KLHL7: variants seen among roughly 807,000 people sequenced by gnomAD.
KLHL7 encodes the protein kelch like family member 7.
Under a neutral mutation model 67.4 loss-of-function variants are expected in KLHL7, and 44 were observed. That is an observed-to-expected ratio of 0.65 (90% CI 0.51 to 0.84). The LOEUF is 0.84. Among genes scored for constraint, KLHL7 ranks in the 40% least tolerant of loss-of-function variants. KLHL7 has a pLI of 0.00. For synonymous variants in KLHL7, 252 were observed against 243.3 expected (o/e 1.04, Z -0.33); for missense variants, 362 against 718.1 (o/e 0.50, Z 5.67).
chr7:23,139,424 C>T (rs1208249443), intron 4 of KLHL7, among the ~76,000 whole-genome samples: 4 of 152,060 alleles, frequency 2.6e-5, no homozygotes, highest in African/African-American at 4.8e-5. Flanking sequence ...ATTTCAGTAG[C>T]CATTTCTGAT....
intron 4 of KLHL7, among the ~76,000 whole-genome samples, chr7:23,135,165 G>A: frequency 6.6e-6 from 1 of 152,070 alleles, no homozygotes; most frequent in Non-Finnish European, 1.5e-5. Flanking sequence ...TTTTTCAGTT[G>A]CCTTTTTAAT....
chr7:23,152,724 C>A (rs776638168), intron 7 of KLHL7, among the ~76,000 whole-genome samples: 1 of 152,018 alleles, frequency 6.6e-6, no homozygotes, highest in Non-Finnish European at 1.5e-5. Context: ...TGCCGACCAA[C>A]TGGGTCAGGA....
In KLHL7 at chr7:23,105,835, T is replaced by A. The variant is rs1562542916; in HGVS notation, c.-192T>A. 1.2e-6 allele frequency: 1 copy of A among 814,864 alleles called. No individual in the cohort carries two copies. The highest frequency in any genetic ancestry group is 2.0e-6 in the Non-Finnish European group (1 of 510,386). The allele number at this position is 814,864 out of a possible 1,614,324, so 50.5% of individuals were successfully genotyped here. A position where few individuals can be genotyped will look rare whatever the true frequency, so the allele number is the denominator to read the frequency against. The stretch of plus-strand genomic sequence containing the variant: ...GTTGGTAGCGTCGCTCCCTGAGCGT[T>A]TCTAAGGGGGCCGCCCGGCCTTGTC... On this transcript the variant is annotated 5_prime_UTR_variant, in exon 1 of 11. Coordinates refer to ENST00000339077, the MANE Select transcript of KLHL7 (RefSeq NM_001031710.3).
At chr7:23,106,637 G>C in intron 1 of KLHL7, 1 of 1,033,006 alleles carries the variant, frequency 9.7e-7, no homozygotes, top group Non-Finnish European at 1.2e-6. Context: ...AGTTGAAGAG[G>C]AGTCCTCCTG....
At chr7:23,134,923 A>G (rs995596002) in intron 4 of KLHL7, among the ~76,000 whole-genome samples, 3 of 151,288 alleles carry the variant, frequency 2.0e-5, no homozygotes, top group Admixed American at 1.3e-4. Flanking sequence ...GATCTTTTGT[A>G]TTTTTTTCAT....
intron 7 of KLHL7, among the ~76,000 whole-genome samples, chr7:23,154,236 T>A (rs981778658): frequency 1.3e-5 from 2 of 152,108 alleles, no homozygotes; most frequent in African/African-American, 4.8e-5. Flanking sequence ...ATGTCTGAAA[T>A]GTCAGCTACT....
At chr7:23,152,264 T>TA in intron 7 of KLHL7, 55 bp downstream of exon 7, 1 of 1,523,650 alleles carries the variant, frequency 6.6e-7, no homozygotes, top group South Asian at 1.1e-5. Context: ...ACTGAACACA[T>TA]AAGACACTCA....
At chr7:23,129,896 G>A (rs532784605) in intron 4 of KLHL7, 1 of 153,636 alleles carries the variant, frequency 6.5e-6, no homozygotes, top group East Asian at 1.9e-4. Flanking sequence ...CTTGGATTTA[G>A]AGGCTCCTTT....
At chr7:23,152,800 G>A (rs899530231) in intron 7 of KLHL7, among the ~76,000 whole-genome samples, 2 of 152,008 alleles carry the variant, frequency 1.3e-5, no homozygotes, top group East Asian at 1.9e-4. Flanking sequence ...ACCTTAAGAC[G>A]GTCCACTCAC....
chr7:23,158,612 G>A (rs1216594701), intron 7 of KLHL7, among the ~76,000 whole-genome samples: 2 of 152,196 alleles, frequency 1.3e-5, no homozygotes, highest in Non-Finnish European at 2.9e-5. Flanking sequence ...GTAAAAGTAT[G>A]TTTAAATAAG....
At chr7:23,144,805 T>A (rs57864591) in intron 6 of KLHL7, among the ~76,000 whole-genome samples, 68,643 of 151,960 alleles carry the variant, frequency 0.45, 17,881 homozygotes, top group African/African-American at 0.73. Flanking sequence ...TTATCATAAA[T>A]TATTGAAGGA....
rs934839121 is a variant in KLHL7, at chr7:23,177,054, C to T, written c.*2756C>T. ...TTATTTTAATTACACCTGTAAAGAC[C>T]CCATTTCCAAACGAGGACACATTCT... On this transcript the variant is annotated 3_prime_UTR_variant, in exon 11 of 11. Transcript: ENST00000339077. 3.9e-5 allele frequency: 6 copies of T among 152,116 alleles called. No individual in the cohort carries two copies. The highest frequency in any genetic ancestry group is 1.4e-4 in the African/African-American group (6 of 41,398). 9.4% of individuals were successfully genotyped at this position (152,116 alleles called of 1,614,324 possible). A position where few individuals can be genotyped will look rare whatever the true frequency, so the allele number is the denominator to read the frequency against.
intron 1 of KLHL7, among the ~76,000 whole-genome samples, chr7:23,111,615 G>GT (rs1193878265): frequency 1.8e-4 from 28 of 152,108 alleles, no homozygotes; most frequent in Non-Finnish European, 2.9e-5. Flanking sequence ...GAGGTCAGGA[G>GT]TTTGAGACCA....
chr7:23,108,995 A>T (rs1415072000), intron 1 of KLHL7, among the ~76,000 whole-genome samples: 1 of 152,228 alleles, frequency 6.6e-6, no homozygotes, highest in East Asian at 1.9e-4. Flanking sequence ...ACATTTTTGT[A>T]CACTTTGTAC....
At chr7:23,170,921 T>G (rs904236441) in intron 9 of KLHL7, among the ~76,000 whole-genome samples, 11 of 151,180 alleles carry the variant, frequency 7.3e-5, no homozygotes, top group African/African-American at 2.4e-4. Flanking sequence ...TTTTTTTTTT[T>G]TTTGTGAGAC....
rs1224044285 is a variant in KLHL7 at position 23,175,313 on chromosome 7, T to C, written c.*1015T>C. On this transcript the variant is annotated 3_prime_UTR_variant, in exon 11 of 11. Transcript: ENST00000339077. ...ATCTTTTACAAACCCAACTACTCAT[T>C]TCCTTCCTAGTAATACTTTGCCTTT... The C allele has an allele frequency of 4.4e-6, 2 of 453,958 alleles. No individual in the cohort carries two copies. Among genetic ancestry groups the C allele is most frequent in the Admixed American group, 4.7e-5 (2 of 42,550 alleles). The allele number at this position is 453,958 out of a possible 1,614,324, so 28.1% of individuals were successfully genotyped here.
Position 23,106,123 on chromosome 7 carries a change from G to T in KLHL7, c.97G>T (p.Val33Phe), listed in dbSNP as rs769326241. The T allele has an allele frequency of 6.2e-7, 1 of 1,610,570 alleles. No homozygotes were observed. The change falls in exon 1 of 11, where the codon GTC becomes TTC. Residue 33 changes from valine to phenylalanine, a missense_variant. Val to Phe is a conservative substitution (Grantham distance 50). Coordinates refer to ENST00000339077, the MANE Select transcript of KLHL7 (RefSeq NM_001031710.3). ...EAKLLAGFMG[V>F]MNNMRKQKTL... is the part of the protein sequence containing the mutation. ...TAAATTGTTGGCGGGTTTCATGGGC[G>T]TCATGAATAACATGCGGAAACAGGT...
At position 23,124,817 on chromosome 7, in the gene KLHL7, T is replaced by C. The variant is rs542905570; in HGVS notation, c.317+36T>C. On this transcript the variant is annotated intron_variant, in intron 3 of 10. Coordinates refer to ENST00000339077, the MANE Select transcript of KLHL7 (RefSeq NM_001031710.3). ...TATTATTTTTATTTTAGAGAAGTAA[T>C]GTTGGTATCTACCATGGCAAAGCAT... 6 of 1,346,450 alleles carry C rather than the reference T, an allele frequency of 4.5e-6. No individual in the cohort carries two copies. The Admixed American group carries it at 5.0e-5, about 11-fold the overall frequency. 83.4% of individuals were successfully genotyped at this position (1,346,450 alleles called of 1,614,324 possible). A position where few individuals can be genotyped will look rare whatever the true frequency, so the allele number is the denominator to read the frequency against.
intron 6 of KLHL7, among the ~76,000 whole-genome samples, chr7:23,148,395 T>TAAAAA (rs74274528): frequency 1.0e-5 from 1 of 99,062 alleles, no homozygotes; most frequent in African/African-American, 5.5e-5. Flanking sequence ...ACAAGAAAAT[T>TAAAAA]AAAAAAAAAA....
Sources: allele counts gnomAD v4.1 joint callset (sites outside exome capture counted in the v4.1 genomes callset), GRCh38; gene constraint gnomAD v4.1.1; transcripts MANE v1.5; gene names NCBI Gene and HGNC (gene_info 2026-07-23, HGNC 2026-07-21).